GARIN1A: variants seen among roughly 807,000 people sequenced by gnomAD.
The protein encoded by GARIN1A is Golgi-associated RAB2 interactor protein 1A.
the GARIN1A span, among the ~76,000 whole-genome samples, chr7:128,675,107 C>A: frequency 6.6e-6 from 1 of 152,100 alleles, no homozygotes; most frequent in South Asian, 2.1e-4. Context: ...GACACAGTGC[C>A]CAGTGGTGGG....
At chr7:128,700,890 C>T in the GARIN1A span, among the ~76,000 whole-genome samples, 1 of 151,880 alleles carries the variant, frequency 6.6e-6, no homozygotes, top group Admixed American at 6.6e-5. Context: ...CTGCTGAAAA[C>T]AAAACAAAAA....
the GARIN1A span, among the ~76,000 whole-genome samples, chr7:128,694,453 G>C: frequency 6.6e-6 from 1 of 151,984 alleles, no homozygotes; most frequent in Non-Finnish European, 1.5e-5. Context: ...ACAATTGCTT[G>C]AACCCGGGAG....
At chr7:128,675,695 GA>G in the GARIN1A span, 1 of 1,613,812 alleles carries the variant, frequency 6.2e-7, no homozygotes, top group Non-Finnish European at 8.5e-7. Flanking sequence ...CCGGGAACTG[GA>G]GAGATGTCTG....
At chr7:128,692,954 T>C in the GARIN1A span, among the ~76,000 whole-genome samples, 1 of 152,248 alleles carries the variant, frequency 6.6e-6, no homozygotes, top group Non-Finnish European at 1.5e-5. Flanking sequence ...AGCTTCATAA[T>C]TTAAAATGAA....
chr7:128,673,661 C>T, the GARIN1A span, among the ~76,000 whole-genome samples: 40,940 of 151,908 alleles, frequency 0.27, 5,851 homozygotes, highest in East Asian at 0.54. Context: ...CACAGAGCAG[C>T]GAGCTGCTCC....
the GARIN1A span, among the ~76,000 whole-genome samples, chr7:128,678,839 T>G: frequency 6.6e-6 from 1 of 152,000 alleles, no homozygotes; most frequent in African/African-American, 2.4e-5. Flanking sequence ...CTGTGTATCT[T>G]ATTACAATTA....
At chr7:128,699,903 A>T in the GARIN1A span, among the ~76,000 whole-genome samples, 1 of 151,054 alleles carries the variant, frequency 6.6e-6, no homozygotes, top group Non-Finnish European at 1.5e-5. Flanking sequence ...TTTGAGTTTT[A>T]TTTTTTTTTA....
the GARIN1A span, among the ~76,000 whole-genome samples, chr7:128,699,271 C>CCA: frequency 2.1e-5 from 3 of 143,854 alleles, no homozygotes; most frequent in Middle Eastern, 6.9e-3. Context: ...CCCCCCCCCC[C>CCA]CCACCACCAA....
At chr7:128,696,958 T>C in the GARIN1A span, among the ~76,000 whole-genome samples, 2,900 of 152,332 alleles carry the variant, frequency 0.019, 43 homozygotes, top group South Asian at 0.051. Context: ...CACAGAATTT[T>C]CCAGGAAGTT....
the GARIN1A span, among the ~76,000 whole-genome samples, chr7:128,680,667 C>T: frequency 0.14 from 21,418 of 151,150 alleles, 1,748 homozygotes; most frequent in African/African-American, 0.21. Flanking sequence ...TGGGTTCAAG[C>T]GATTCTCTTG....
At chr7:128,682,010 T>C in the GARIN1A span, among the ~76,000 whole-genome samples, 1 of 151,618 alleles carries the variant, frequency 6.6e-6, no homozygotes, top group Admixed American at 6.6e-5. Context: ...ACTTGCTTGC[T>C]CTCTCTCATA....
the GARIN1A span, chr7:128,680,034 G>T: frequency 6.4e-7 from 1 of 1,558,546 alleles, no homozygotes; most frequent in Non-Finnish European, 8.7e-7. Flanking sequence ...CATCCAGCCT[G>T]AAAACAGCCT....
chr7:128,676,742 C>G, the GARIN1A span, among the ~76,000 whole-genome samples: 1 of 151,560 alleles, frequency 6.6e-6, no homozygotes, highest in Non-Finnish European at 1.5e-5. Context: ...CACAGTAAGT[C>G]AGGATATAGG....
the GARIN1A span, chr7:128,672,479 T>G: frequency 6.2e-7 from 1 of 1,609,246 alleles, no homozygotes; most frequent in African/African-American, 1.3e-5. Flanking sequence ...TGGCCTTCTT[T>G]GTCAACTGAT....
At chr7:128,678,631 C>T in the GARIN1A span, among the ~76,000 whole-genome samples, 2 of 151,948 alleles carry the variant, frequency 1.3e-5, no homozygotes, top group Non-Finnish European at 2.9e-5. Flanking sequence ...TGGTGAAACC[C>T]TGTCTCTACT....
At chr7:128,680,053 C>A in the GARIN1A span, 1 of 1,569,064 alleles carries the variant, frequency 6.4e-7, no homozygotes, top group Non-Finnish European at 8.6e-7. Flanking sequence ...CTCCTGTCAT[C>A]CCCCCAGCCC....
the GARIN1A span, chr7:128,672,388 C>G: frequency 6.2e-7 from 1 of 1,602,488 alleles, no homozygotes. Flanking sequence ...CCCATTCTTA[C>G]CAAGAACCAA....
At chr7:128,674,021 G>A in the GARIN1A span, among the ~76,000 whole-genome samples, 2 of 151,980 alleles carry the variant, frequency 1.3e-5, no homozygotes, top group African/African-American at 4.8e-5. Flanking sequence ...AGCCTCCCGA[G>A]TAGCTAGGAC....
chr7:128,684,531 G>C, the GARIN1A span: 1 of 145,324 alleles, frequency 6.9e-6, no homozygotes, highest in African/African-American at 2.6e-5. Context: ...CAGGAGAATT[G>C]CTTGAACCAG....
Sources: gnomAD v4.1 joint callset for allele counts (sites outside exome capture counted in the v4.1 genomes callset) on GRCh38, gnomAD v4.1.1 for gene constraint, MANE v1.5 for transcripts, NCBI Gene and HGNC (gene_info 2026-07-23, HGNC 2026-07-21) for gene names.